The following MYOF variants were observed in gnomAD, a reference collection of about 807,000 sequenced individuals.
MYOF encodes myoferlin.
A neutral mutation model predicts 284.2 loss-of-function variants in MYOF; 244 were observed. The observed-to-expected ratio is 0.86, with a 90% CI of 0.77 to 0.95. The LOEUF (loss-of-function observed/expected upper bound fraction) is 0.95, where lower values mean the gene tolerates loss of function less well. MYOF is among the 40% of genes least tolerant of loss of function. MYOF has a pLI of 0.00. For missense variants in MYOF, 2,496 were observed against 2,560.6 expected (o/e 0.97, Z 0.54); for synonymous variants, 904 against 919.7 (o/e 0.98, Z 0.31).
intron 24 of MYOF, among the ~76,000 whole-genome samples, chr10:93,370,381 G>A (rs778898097): frequency 5.0e-5 from 7 of 139,522 alleles, no homozygotes; most frequent in Non-Finnish European, 9.0e-5. Flanking sequence ...GCTCAATCTC[G>A]GCTCACTGCA....
At chr10:93,339,057 A>G (rs1589412103) in intron 39 of MYOF, among the ~76,000 whole-genome samples, 1 of 138,814 alleles carries the variant, frequency 7.2e-6, no homozygotes, top group African/African-American at 2.7e-5. Context: ...TCTGTTGCCC[A>G]GCTGGAGTGC....
intron 43 of MYOF, among the ~76,000 whole-genome samples, chr10:93,331,090 A>G (rs1210162346): frequency 1.3e-5 from 2 of 152,174 alleles, no homozygotes; most frequent in Non-Finnish European, 2.9e-5. Flanking sequence ...TGGTTTTACT[A>G]AGGAATATTT....
chr10:93,358,696 G>A (rs942410834), intron 29 of MYOF, among the ~76,000 whole-genome samples: 2 of 152,102 alleles, frequency 1.3e-5, no homozygotes, highest in Admixed American at 6.6e-5. Flanking sequence ...ACCTAACAGA[G>A]GAACAGAAAA....
chr10:93,482,109 T>G lies in MYOF; in HGVS notation c.86A>C (p.Lys29Thr). ...AAAAGAAGAAAACTTTTTCTTACCCTTAAAAATGACAGAAACAATAGGATC... is the reference window on the plus strand; with the variant it reads ...AAAAGAAGAAAACTTTTTCTTACCCGTAAAAATGACAGAAACAATAGGATC... ...KPDPIVSVIF[K>T]DEKKKTKKVD... The change falls in exon 1 of 54, where the codon AAG (lysine) becomes ACG (threonine). Residue 29 changes from lysine (K) to threonine (T), a missense_variant and splice_region_variant. This residue lies in a region of MYOF where 57 missense variants were observed against 62.4 expected (regional missense o/e 0.91). Coordinates refer to ENST00000359263, the MANE Select transcript of MYOF (RefSeq NM_013451.4). The G allele has an allele frequency of 6.2e-7, 1 of 1,613,460 alleles. No homozygotes were observed. Among genetic ancestry groups the G allele is most frequent in the South Asian group, 1.1e-5 (1 of 91,008 alleles).
In MYOF at chr10:93,387,827, G is replaced by T. The variant is rs755770589; in HGVS notation, c.1668C>A (p.Pro556=). The T allele has an allele frequency of 1.9e-6, 3 of 1,614,008 alleles. No homozygotes were observed. The African/African-American group carries it at 4.0e-5, about 22-fold the overall frequency. ...CAACCAGCAGGTCATCATTTGAAAT[G>T]GGCTCAAGCTTTTTATCTGGTGGTG... ...EKTPPDKKLE[P]ISNDDLLVVE... is the part of the protein sequence containing the mutation. Residue 556 remains proline, a synonymous_variant, in exon 19 of 54, where the codon CCC becomes CCA. Transcript: ENST00000359263.
chr10:93,435,533 A>G (rs904645142), intron 3 of MYOF, among the ~76,000 whole-genome samples: 1 of 152,038 alleles, frequency 6.6e-6, no homozygotes, highest in Non-Finnish European at 1.5e-5. Context: ...AAGTCACCCA[A>G]CTCTTCGTTA....
chr10:93,452,885 G>A (rs865885365), intron 2 of MYOF, among the ~76,000 whole-genome samples: 1 of 151,726 alleles, frequency 6.6e-6, no homozygotes, highest in South Asian at 2.1e-4. Flanking sequence ...CACCATGGTC[G>A]GTCAATGCTA....
intron 49 of MYOF, among the ~76,000 whole-genome samples, chr10:93,319,144 C>T (rs922054603): frequency 2.6e-5 from 4 of 152,208 alleles, no homozygotes; most frequent in Admixed American, 2.6e-4. Context: ...GGCCCAATTA[C>T]AGAACTCTGG....
In MYOF at chr10:93,403,966, T is replaced by C. The variant is rs142999975; in HGVS notation, c.843+57A>G. The C allele has an allele frequency of 4.9e-3, 7,747 of 1,569,704 alleles. 39 individuals are homozygous for C. Among genetic ancestry groups the C allele is most frequent in the Non-Finnish European group, 6.2e-3 (7,053 of 1,140,232 alleles). On this transcript the variant is annotated intron_variant, in intron 9 of 53. Coordinates refer to ENST00000359263, the MANE Select transcript of MYOF (RefSeq NM_013451.4). ...GATGCGTACATAGGAATCAGATTTC[T>C]ATTATGAAAGTTCTCATCTTTCTGT...
chr10:93,368,405 G>A (rs888791814), intron 25 of MYOF, among the ~76,000 whole-genome samples: 8 of 152,206 alleles, frequency 5.3e-5, no homozygotes, highest in Admixed American at 3.9e-4. Flanking sequence ...TCCCCAGGGT[G>A]CCCCTGGGAG....
intron 1 of MYOF, among the ~76,000 whole-genome samples, chr10:93,466,937 C>T (rs1237328149): frequency 6.6e-6 from 1 of 152,170 alleles, no homozygotes; most frequent in Non-Finnish European, 1.5e-5. Context: ...GTGATCAGGC[C>T]ACTGCACTCC....
chr10:93,478,034 G>A (rs550409129), intron 1 of MYOF: 1 of 178,084 alleles, frequency 5.6e-6, no homozygotes, highest in African/African-American at 2.4e-5. Context: ...CAGTGGGAGA[G>A]AGAAAGAATA....
intron 3 of MYOF, among the ~76,000 whole-genome samples, chr10:93,440,138 G>A (rs887861568): frequency 5.3e-5 from 8 of 152,170 alleles, no homozygotes; most frequent in African/African-American, 1.9e-4. Context: ...CCCAGGCTGG[G>A]TGCAGTGGCT....
At chr10:93,428,923 G>T (rs1449244021) in intron 4 of MYOF, among the ~76,000 whole-genome samples, 1 of 152,232 alleles carries the variant, frequency 6.6e-6, no homozygotes, top group Non-Finnish European at 1.5e-5. Flanking sequence ...ATTCCCAGAG[G>T]TGCTCCAGGG....
At chr10:93,416,025 C>T (rs1234667105) in intron 5 of MYOF, among the ~76,000 whole-genome samples, 4 of 152,184 alleles carry the variant, frequency 2.6e-5, no homozygotes, top group African/African-American at 9.7e-5. Flanking sequence ...TCCTAGTCCA[C>T]CAAAACTGCT....
In MYOF at chr10:93,333,764, A is replaced by T; in HGVS notation, c.4713T>A (p.Asn1571Lys). ...CCCACACCCAAACTCTTACCAGGCCATTGTTGTCCTGGGGCTGGAGCTCTA... is the reference window on the plus strand; with the variant it reads ...CCCACACCCAAACTCTTACCAGGCCTTTGTTGTCCTGGGGCTGGAGCTCTA... ...RGLELQPQDN[N>K]GLCDPYIKIT... Residue 1571 changes from asparagine (N) to lysine (K), a missense_variant, in exon 42 of 54, where the codon AAT (asparagine) becomes AAA (lysine). Asn to Lys is a moderately conservative substitution (Grantham distance 94, BLOSUM62 0). This residue lies in a region of MYOF where 2,436 missense variants were observed against 2,480.7 expected (regional missense o/e 0.98). Transcript: ENST00000359263. The T allele has an allele frequency of 6.2e-7, 1 of 1,614,124 alleles. No individual in the cohort carries two copies. The highest frequency in any genetic ancestry group is 1.3e-5 in the African/African-American group (1 of 75,042).
intron 1 of MYOF, among the ~76,000 whole-genome samples, chr10:93,477,607 GGGAGGCCAAGGCA>G (rs2134409800): frequency 6.6e-6 from 1 of 152,110 alleles, no homozygotes; most frequent in East Asian, 1.9e-4. Flanking sequence ...CCAGCACTTT[GGGAGGCCAAGGCA>G]GGCGGATCAT....
At chr10:93,416,241 G>T (rs78679007) in intron 5 of MYOF, among the ~76,000 whole-genome samples, 10 of 152,184 alleles carry the variant, frequency 6.6e-5, no homozygotes, top group Non-Finnish European at 1.5e-4. Context: ...TCTCTCGGCC[G>T]GGCGTCGTGG....
chr10:93,364,482 C>T (rs963595552), intron 26 of MYOF, among the ~76,000 whole-genome samples: 1 of 152,140 alleles, frequency 6.6e-6, no homozygotes, highest in African/African-American at 2.4e-5. Flanking sequence ...GGGAGCTGTC[C>T]CCACTATTTT....
Sources: allele counts gnomAD v4.1 joint callset (sites outside exome capture counted in the v4.1 genomes callset), GRCh38; gene constraint gnomAD v4.1.1; regional missense constraint gnomAD v4.1.1; transcripts MANE v1.5; gene names NCBI Gene and HGNC (gene_info 2026-07-23, HGNC 2026-07-21).